IL1RL2: variants seen among roughly 807,000 people sequenced by gnomAD.
IL1RL2 encodes the protein interleukin-1 receptor-like 2.
IL1RL2 carries 68 observed loss-of-function variants against 66.8 expected under a neutral mutation model. The ratio of observed to expected loss-of-function variants is 1.02; its 90% CI spans 0.84 to 1.25. The LOEUF (loss-of-function observed/expected upper bound fraction) is 1.25, where lower values mean the gene tolerates loss of function less well. Among genes scored for constraint, IL1RL2 ranks in the 50% most tolerant of loss-of-function variants. The pLI is 0.00. For synonymous variants in IL1RL2, 305 were observed against 264.6 expected, an observed-to-expected ratio of 1.15 and a Z score of -1.48; for missense variants, 729 against 709.3, an observed-to-expected ratio of 1.03 and a Z score of -0.32.
At chr2:102,197,803 G>A (rs140989088) in intron 4 of IL1RL2, among the ~76,000 whole-genome samples, 3 of 152,310 alleles carry the variant, frequency 2.0e-5, no homozygotes, top group Non-Finnish European at 4.4e-5. Flanking sequence ...TCTTCCTGAT[G>A]TGGCATTACT....
At chr2:102,191,795 A>T in intron 3 of IL1RL2, 130 bp from the exon 4 acceptor site, 1 of 620,610 alleles carries the variant, frequency 1.6e-6, no homozygotes, top group Non-Finnish European at 2.8e-6. Flanking sequence ...GTGGATGCTT[A>T]GTGCTTTGTT....
At chr2:102,199,630 T>C (rs1374114972) in intron 4 of IL1RL2, among the ~76,000 whole-genome samples, 1 of 152,174 alleles carries the variant, frequency 6.6e-6, no homozygotes, top group African/African-American at 2.4e-5. Context: ...TTCCAGTGGA[T>C]CAGAATAGAG....
Position 102,201,600 on chromosome 2 carries a change from C to A in IL1RL2, c.534C>A (p.Thr178=). Residue 178 remains threonine, a synonymous_variant, in exon 5 of 12, where the codon ACC becomes ACA. Coordinates refer to ENST00000264257, the MANE Select transcript of IL1RL2 (RefSeq NM_003854.4). ...IKGERFTVLE[T]RLLVSNVSAE... ...GGGAGCGGTTCACTGTTTTGGAAAC[C>A]AGGCTTTTGGTGAGCAATGTCTCGG... 6.2e-7 allele frequency: 1 copy of A among 1,614,060 alleles called. No individual in the cohort carries two copies. The highest frequency in any genetic ancestry group is 1.1e-5 in the South Asian group (1 of 91,070).
chr2:102,203,247 A>G (rs1688424133), intron 5 of IL1RL2, among the ~76,000 whole-genome samples: 1 of 152,148 alleles, frequency 6.6e-6, no homozygotes, highest in Non-Finnish European at 1.5e-5. Context: ...ATGATGAATG[A>G]TCTTTCTAAT....
At chr2:102,192,450 C>T (rs1450350778) in intron 4 of IL1RL2, among the ~76,000 whole-genome samples, 1 of 152,148 alleles carries the variant, frequency 6.6e-6, no homozygotes, top group Non-Finnish European at 1.5e-5. Flanking sequence ...ATCACAAATT[C>T]TAAGAGGTCA....
chr2:102,225,783 C>A, intron 8 of IL1RL2, 115 bp from the exon 9 acceptor site: 1 of 791,526 alleles, frequency 1.3e-6, no homozygotes, highest in Non-Finnish European at 1.8e-6. Flanking sequence ...CATTGACATC[C>A]AAAACCTTTC....
chr2:102,191,442 G>A (rs1175237686), intron 3 of IL1RL2, among the ~76,000 whole-genome samples: 1 of 152,076 alleles, frequency 6.6e-6, no homozygotes, highest in African/African-American at 2.4e-5. Context: ...TTACCAATCT[G>A]GGATCATGCA....
chr2:102,198,451 A>G (rs545160380), intron 4 of IL1RL2, among the ~76,000 whole-genome samples: 86 of 152,248 alleles, frequency 5.6e-4, no homozygotes, highest in Non-Finnish European at 9.6e-4. Context: ...TCAATCCCAA[A>G]TTACTCCTCA....
intron 5 of IL1RL2, among the ~76,000 whole-genome samples, chr2:102,206,521 G>T (rs537501032): frequency 6.6e-6 from 1 of 152,258 alleles, no homozygotes; most frequent in Non-Finnish European, 1.5e-5. Context: ...GACAATATCT[G>T]GGAGAATTCT....
At chr2:102,206,290 G>T (rs1318798920) in intron 5 of IL1RL2, among the ~76,000 whole-genome samples, 1 of 152,116 alleles carries the variant, frequency 6.6e-6, no homozygotes, top group Non-Finnish European at 1.5e-5. Context: ...TTCCTGGATG[G>T]TGTTGATGCT....
At chr2:102,197,779 T>A (rs970188997) in intron 4 of IL1RL2, among the ~76,000 whole-genome samples, 1 of 152,158 alleles carries the variant, frequency 6.6e-6, no homozygotes, top group Non-Finnish European at 1.5e-5. Context: ...TTCCACTTTA[T>A]TTGTTGGGGT....
chr2:102,218,385 T>C (rs937632167), intron 6 of IL1RL2, among the ~76,000 whole-genome samples: 2 of 152,120 alleles, frequency 1.3e-5, no homozygotes, highest in African/African-American at 4.8e-5. Flanking sequence ...ATTGATGAAA[T>C]TTGTGAATGT....
intron 4 of IL1RL2, 130 bp from the exon 5 acceptor site, chr2:102,201,426 C>A: frequency 1.4e-6 from 1 of 724,638 alleles, no homozygotes; most frequent in Non-Finnish European, 2.3e-6. Flanking sequence ...TATCATCTAC[C>A]TATTTTTCTA....
intron 11 of IL1RL2, among the ~76,000 whole-genome samples, chr2:102,237,704 G>T (rs1368195684): frequency 6.6e-6 from 1 of 152,190 alleles, no homozygotes; most frequent in African/African-American, 2.4e-5. Context: ...ATGCAATGCA[G>T]CAAGAATACA....
Position 102,232,854 on chromosome 2 carries a change from C to T in IL1RL2, c.1136-109C>T, listed in dbSNP as rs568841854. 3.1e-6 allele frequency: 4 copies of T among 1,282,972 alleles called. No homozygotes were observed. The East Asian group carries it at 7.2e-5, about 23-fold the overall frequency. 79.5% of individuals were successfully genotyped at this position (1,282,972 alleles called of 1,614,324 possible). On this transcript the variant is annotated intron_variant, in intron 9 of 11. Coordinates refer to ENST00000264257, the MANE Select transcript of IL1RL2 (RefSeq NM_003854.4). ...GTCAGCCAACTGGGCACTCAGAAGT[C>T]ATGGAACCCAGGCCAAAGGACACCA...
In IL1RL2 at chr2:102,235,470, AAC is replaced by A. The variant is rs113058156; in HGVS notation, c.1678+198_1678+199del. 2.3e-5 allele frequency: 23 copies of A among 985,424 alleles called. No individual in the cohort carries two copies. In the African/African-American group the frequency reaches 3.5e-4, roughly 15 times the overall value. The allele number at this position is 985,424 out of a possible 1,614,324, so 61.0% of individuals were successfully genotyped here. ...TCGATCAGAGCTGCTTCTTCAGGGAAACACACGGCTTCTGCAGAAGGCCCTCT... is the reference window on the plus strand; with the variant it reads ...TCGATCAGAGCTGCTTCTTCAGGGAAACACGGCTTCTGCAGAAGGCCCTCT... On this transcript the variant is annotated intron_variant, in intron 11 of 11. Transcript: ENST00000264257.
intron 8 of IL1RL2, among the ~76,000 whole-genome samples, chr2:102,223,395 C>T (rs960174603): frequency 2.6e-5 from 4 of 152,168 alleles, no homozygotes; most frequent in Non-Finnish European, 5.9e-5. Context: ...CGTGAATTCG[C>T]GTATTACTTA....
rs367862474 is a variant in IL1RL2, at chr2:102,195,645, C to T, written c.489+3525C>T. ...TCTTTCTTTCTCTCTCTCTCTCTCT[C>T]TCTTTCTTTCTTTCTTTCTTTCTTT... On this transcript the variant is annotated intron_variant, in intron 4 of 11. Transcript: ENST00000264257. Among the ~76,000 whole-genome samples the T allele has an allele frequency of 5.1e-3, 102 of 20,134 alleles. 1 individual carries two copies. Among genetic ancestry groups the T allele is most frequent in the Middle Eastern group, 0.028 (1 of 36 alleles). The allele number at this position is 20,134 out of a possible 152,430, so 13.2% of individuals were successfully genotyped here.
chr2:102,218,599 C>T (rs1689820172), intron 6 of IL1RL2, among the ~76,000 whole-genome samples: 1 of 152,168 alleles, frequency 6.6e-6, no homozygotes, highest in Non-Finnish European at 1.5e-5. Flanking sequence ...CTTTTCCTGC[C>T]TTGTAAGATT....
Sources: gnomAD v4.1 joint callset for allele counts (sites outside exome capture counted in the v4.1 genomes callset) on GRCh38, gnomAD v4.1.1 for gene constraint, MANE v1.5 for transcripts, NCBI Gene and HGNC (gene_info 2026-07-23, HGNC 2026-07-21) for gene names.